Variants in CNTNAP3 observed in about 807,000 individuals in gnomAD.
The protein encoded by CNTNAP3 is contactin-associated protein-like 3.
CNTNAP3 carries 36 observed loss-of-function variants against 92.1 expected under a neutral mutation model. That is an observed-to-expected ratio of 0.39 (90% CI 0.30 to 0.52). The LOEUF (loss-of-function observed/expected upper bound fraction) is 0.52, where lower values mean the gene tolerates loss of function less well. Among genes scored for constraint, CNTNAP3 ranks in the 20% least tolerant of loss-of-function variants. The pLI is 0.76. For synonymous variants in CNTNAP3, 232 were observed against 422.3 expected, an observed-to-expected ratio of 0.55 and a Z score of 5.53; for missense variants, 534 against 1,069.6, an observed-to-expected ratio of 0.50 and a Z score of 6.98.
In CNTNAP3 at chr9:39,068,575, C is replaced by T. The variant is rs1772904779; in HGVS notation, c.*5315G>A. 6.6e-6 allele frequency among the ~76,000 whole-genome samples: 1 copy of T among 152,308 alleles called. No homozygotes were observed. The highest frequency in any genetic ancestry group is 1.9e-4 in the East Asian group (1 of 5,208). The stretch of plus-strand genomic sequence containing the variant: ...TTTTGAGTGTTTCTTTCCCTTGCCT[C>T]AGGTAGTTTCATGCACTTTGTTACA... On this transcript the variant is annotated 3_prime_UTR_variant, in exon 24 of 24. Coordinates refer to ENST00000297668, the MANE Select transcript of CNTNAP3 (RefSeq NM_033655.5).
intron 10 of CNTNAP3, among the ~76,000 whole-genome samples, chr9:39,148,040 G>A (rs1185214889): frequency 6.6e-6 from 1 of 152,134 alleles, no homozygotes; most frequent in African/African-American, 2.4e-5. Flanking sequence ...AACTCAGAGA[G>A]AGCTGAGCTC....
intron 12 of CNTNAP3, among the ~76,000 whole-genome samples, chr9:39,134,028 C>T (rs532764597): frequency 1.3e-5 from 2 of 152,296 alleles, no homozygotes; most frequent in Admixed American, 1.3e-4. Context: ...CAATGTGATA[C>T]ATTTTACCTT....
chr9:39,124,280 A>C (rs1310974471), intron 13 of CNTNAP3, among the ~76,000 whole-genome samples: 4 of 152,210 alleles, frequency 2.6e-5, no homozygotes, highest in Non-Finnish European at 5.9e-5. Flanking sequence ...TGACCAAGAA[A>C]TGTAATTAAT....
At chr9:39,115,907 T>TA (rs1175878398) in intron 14 of CNTNAP3, among the ~76,000 whole-genome samples, 1 of 151,186 alleles carries the variant, frequency 6.6e-6, no homozygotes, top group Non-Finnish European at 1.5e-5. Flanking sequence ...AAGTCTACAA[T>TA]AAAGTATGCA....
At chr9:39,077,008 T>G (rs1483523303) in intron 23 of CNTNAP3, among the ~76,000 whole-genome samples, 1 of 152,308 alleles carries the variant, frequency 6.6e-6, no homozygotes, top group Non-Finnish European at 1.5e-5. Context: ...GAAAGGTGAA[T>G]GCTTATTTTT....
intron 18 of CNTNAP3, among the ~76,000 whole-genome samples, chr9:39,090,700 C>T (rs2118438785): frequency 6.6e-6 from 1 of 152,404 alleles, no homozygotes; most frequent in East Asian, 1.9e-4. Context: ...TTTAAATTTT[C>T]ATATGAAATC....
intron 16 of CNTNAP3, 33 bp downstream of exon 16, chr9:39,103,711 T>C (rs745556259): frequency 6.3e-7 from 1 of 1,588,488 alleles, no homozygotes; most frequent in South Asian, 1.2e-5. Context: ...AAATAATGGG[T>C]ACCCTGTGAC....
At chr9:39,098,373 C>A (rs1005234059) in intron 18 of CNTNAP3, among the ~76,000 whole-genome samples, 11 of 151,532 alleles carry the variant, frequency 7.3e-5, no homozygotes, top group Non-Finnish European at 1.2e-4. Context: ...GAATACTACT[C>A]CACTCTTTCC....
chr9:39,152,777 T>A (rs1344231789), intron 9 of CNTNAP3, among the ~76,000 whole-genome samples: 13 of 135,730 alleles, frequency 9.6e-5, no homozygotes, highest in Admixed American at 9.2e-4. Context: ...TGCCTCAGCC[T>A]CCCGAGTGGC....
Position 39,144,298 on chromosome 9 carries a change from C to G in CNTNAP3, c.1698G>C (p.Trp566Cys). Residue 566 changes from tryptophan (W) to cysteine (C), a missense_variant, in exon 11 of 24, where the codon TGG (tryptophan) becomes TGC (cysteine). Coordinates refer to ENST00000297668, the MANE Select transcript of CNTNAP3 (RefSeq NM_033655.5). ...CEHGGECSQS[W>C]DTFSCDCLGT... Reference sequence around the variant, plus strand: ...CTAGACAGTCACAGGAGAAGGTGTCCCACGACTGGGAACACTCGCCCCCAT... The same window carrying G: ...CTAGACAGTCACAGGAGAAGGTGTCGCACGACTGGGAACACTCGCCCCCAT... 1 of 1,575,502 alleles carries G rather than the reference C, an allele frequency of 6.3e-7. No homozygotes were observed. Among genetic ancestry groups the G allele is most frequent in the Non-Finnish European group, 8.6e-7 (1 of 1,160,490 alleles).
Position 39,067,064 on chromosome 9 carries a change from A to AT in CNTNAP3, c.*6825dup, listed in dbSNP as rs1825524146. Among the ~76,000 whole-genome samples, 2 of 152,248 alleles carry AT rather than the reference A, an allele frequency of 1.3e-5. No individual in the cohort carries two copies. Among genetic ancestry groups the AT allele is most frequent in the Admixed American group, 1.3e-4 (2 of 15,290 alleles). On this transcript the variant is annotated 3_prime_UTR_variant, in exon 24 of 24. Coordinates refer to ENST00000297668, the MANE Select transcript of CNTNAP3 (RefSeq NM_033655.5). ...TTTGTTTTTTTTCTGTCTCTGTTTC[A>AT]TTTTGGATGCTTTCTACTGCTATAT...
In CNTNAP3 at chr9:39,078,439, C is replaced by G. The variant is rs759277245; in HGVS notation, c.3691G>C (p.Asp1231His). The G allele has an allele frequency of 6.2e-7, 1 of 1,611,990 alleles. No individual in the cohort carries two copies. Among genetic ancestry groups the G allele is most frequent in the African/African-American group, 1.3e-5 (1 of 74,894 alleles). The change falls in exon 23 of 24, where the codon GAT becomes CAT. Residue 1231 changes from aspartate to histidine, a missense_variant. By Grantham distance (81) the Asp-to-His change is moderately conservative. Transcript: ENST00000297668. ...GCATTAACCAAGGGCTCTCCCTCAT[C>G]CGCTGGTCCAGAACGACCTACAACA... ...AGGAGRSGPADEGEPLVNADR... is the reference protein window; with the variant it reads ...AGGAGRSGPAHEGEPLVNADR...
intron 13 of CNTNAP3, among the ~76,000 whole-genome samples, chr9:39,132,641 G>A (rs985569197): frequency 1.3e-5 from 2 of 152,130 alleles, no homozygotes; most frequent in African/African-American, 4.8e-5. Flanking sequence ...TATCTCCTCA[G>A]TGTGAACGGA....
At position 39,138,106 on chromosome 9, in the gene CNTNAP3, G is replaced by A. The variant is rs574368408; in HGVS notation, c.1876+2413C>T. 3.3e-5 allele frequency among the ~76,000 whole-genome samples: 5 copies of A among 151,846 alleles called. No individual in the cohort carries two copies. In the South Asian group the frequency reaches 1.0e-3, roughly 32 times the overall value. ...GGGGTCTCACTGTGTTGCCCAGACT[G>A]GTCTTAAAACTGGTCTCAGGCTATC... On this transcript the variant is annotated intron_variant, in intron 12 of 23. Transcript: ENST00000297668.
intron 13 of CNTNAP3, among the ~76,000 whole-genome samples, chr9:39,124,454 A>G (rs1821109337): frequency 6.6e-6 from 1 of 152,252 alleles, no homozygotes; most frequent in Non-Finnish European, 1.5e-5. Flanking sequence ...TTAAATGTAA[A>G]CAGTCTAAAT....
intron 14 of CNTNAP3, among the ~76,000 whole-genome samples, chr9:39,112,555 G>A (rs1438181581): frequency 1.3e-5 from 2 of 151,986 alleles, no homozygotes; most frequent in Non-Finnish European, 2.9e-5. Flanking sequence ...TAGTATAGAC[G>A]GGGTTTCACC....
At chr9:39,076,024 C>T (rs1277188977) in intron 23 of CNTNAP3, among the ~76,000 whole-genome samples, 1 of 152,298 alleles carries the variant, frequency 6.6e-6, no homozygotes, top group African/African-American at 2.4e-5. Flanking sequence ...TGCAAACTGC[C>T]TCTGGGAAAG....
rs998324661 is a variant in CNTNAP3, at chr9:39,138,020, GTT to G, written c.1876+2497_1876+2498del. ...GACTACAGATACATGTCACCATGCTGTTTTTTGTTGTTGTTGTTGTCACAATG... is the reference window on the plus strand; with the variant it reads ...GACTACAGATACATGTCACCATGCTGTTTTGTTGTTGTTGTTGTCACAATG... On this transcript the variant is annotated intron_variant, in intron 12 of 23. Coordinates refer to ENST00000297668, the MANE Select transcript of CNTNAP3 (RefSeq NM_033655.5). 3.0e-3 allele frequency among the ~76,000 whole-genome samples: 439 copies of G among 148,116 alleles called. 6 individuals are homozygous for G. Among genetic ancestry groups the G allele is most frequent in the African/African-American group, 9.0e-3 (369 of 40,970 alleles).
intron 17 of CNTNAP3, among the ~76,000 whole-genome samples, chr9:39,102,176 A>T (rs1318696309): frequency 2.6e-5 from 4 of 152,270 alleles, no homozygotes. Flanking sequence ...GCTACTCAGG[A>T]GGCTGAGGCA....
Sources: allele counts gnomAD v4.1 joint callset (sites outside exome capture counted in the v4.1 genomes callset), GRCh38; gene constraint gnomAD v4.1.1; transcripts MANE v1.5; gene names NCBI Gene and HGNC (gene_info 2026-07-23, HGNC 2026-07-21).